CHMP3: variants seen among roughly 807,000 people sequenced by gnomAD.
CHMP3 encodes 25.1 protein.
A neutral mutation model predicts 27.4 loss-of-function variants in CHMP3; 8 were observed. The observed-to-expected ratio is 0.29, with a 90% CI of 0.17 to 0.53. CHMP3 has a LOEUF of 0.53. Among genes scored for constraint, CHMP3 ranks in the 20% least tolerant of loss-of-function variants. The probability of loss-of-function intolerance (pLI) is 0.96; values close to 1 mark genes in which losing one functional copy is unlikely to be tolerated. For synonymous variants in CHMP3, 86 were observed against 85.5 expected (o/e 1.01, Z -0.03); for missense variants, 208 against 271.5 (o/e 0.77, Z 1.64).
In CHMP3 at chr2:86,554,255, TA is replaced by T. The variant is rs1350196453; in HGVS notation, c.45+9048del. On this transcript the variant is annotated intron_variant, in intron 1 of 5. Transcript: ENST00000263856. ...TGTTTATAAATTACTCAGCTGGTAGTATTTTGTGATAGCAACTCAAATGTAC... is the reference window on the plus strand; with the variant it reads ...TGTTTATAAATTACTCAGCTGGTAGTTTTTGTGATAGCAACTCAAATGTAC... 2.6e-5 allele frequency among the ~76,000 whole-genome samples: 4 copies of T among 152,358 alleles called. No individual in the cohort carries two copies. In the East Asian group the frequency reaches 7.7e-4, roughly 29 times the overall value.
At chr2:86,548,713 T>C (rs1400059734) in intron 1 of CHMP3, among the ~76,000 whole-genome samples, 2 of 152,204 alleles carry the variant, frequency 1.3e-5, no homozygotes, top group African/African-American at 2.4e-5. Flanking sequence ...TTCGGAGCTA[T>C]TGGGTACACT....
intron 2 of CHMP3, chr2:86,541,081 T>C (rs1320792319): frequency 6.6e-6 from 1 of 152,152 alleles, no homozygotes; most frequent in Non-Finnish European, 1.5e-5. Flanking sequence ...TTGGTTGGTA[T>C]GGGCTTGTGG....
At chr2:86,527,251 A>C (rs1277383245) in intron 3 of CHMP3, 1 of 152,090 alleles carries the variant, frequency 6.6e-6, no homozygotes, top group Non-Finnish European at 1.5e-5. Context: ...TCTACCAAAA[A>C]AAAAAAAGAT....
intron 1 of CHMP3, among the ~76,000 whole-genome samples, chr2:86,545,627 C>T (rs1372742906): frequency 2.8e-5 from 4 of 144,960 alleles, no homozygotes; most frequent in South Asian, 2.2e-4. Context: ...ATGGGGTGGC[C>T]GGGCAGAGGC....
intron 3 of CHMP3, among the ~76,000 whole-genome samples, chr2:86,516,146 C>CAAAAAAAAAAAAAAAAAA (rs35800757): frequency 1.2e-5 from 1 of 83,672 alleles, no homozygotes. Context: ...GACTCCATCT[C>CAAAAAAAAAAAAAAAAAA]AAAAAAAAAA....
intron 1 of CHMP3, among the ~76,000 whole-genome samples, chr2:86,553,309 G>A (rs1332127187): frequency 6.6e-6 from 1 of 151,910 alleles, no homozygotes; most frequent in African/African-American, 2.4e-5. Context: ...TTCTTACAAT[G>A]CTATAAGTAG....
chr2:86,547,436 C>A (rs1558658881), intron 1 of CHMP3, among the ~76,000 whole-genome samples: 1 of 151,910 alleles, frequency 6.6e-6, no homozygotes, highest in Admixed American at 6.5e-5. Flanking sequence ...AGGGGCTTTG[C>A]AAAAAAGAAA....
At chr2:86,558,479 AT>A (rs1449609661) in intron 1 of CHMP3, among the ~76,000 whole-genome samples, 1 of 152,198 alleles carries the variant, frequency 6.6e-6, no homozygotes, top group African/African-American at 2.4e-5. Context: ...CTCACTCATC[AT>A]TTAACAAATA....
chr2:86,514,437 G>A lies in CHMP3; in HGVS notation c.287-3958C>T, dbSNP rs112483656. On this transcript the variant is annotated intron_variant, in intron 3 of 5. Transcript: ENST00000263856. The stretch of plus-strand genomic sequence containing the variant: ...CCAGATAGCATTCTAATGAGCTCAC[G>A]TGCTATTTAAAGTATAAAACTATCC... 3.5e-3 allele frequency among the ~76,000 whole-genome samples: 530 copies of A among 152,202 alleles called. 6 individuals carry two copies. The highest frequency in any genetic ancestry group is 0.012 in the African/African-American group (510 of 41,516).
rs1015310571 is a variant in CHMP3, at chr2:86,504,896, A to G, written c.*908T>C. On this transcript the variant is annotated 3_prime_UTR_variant, in exon 6 of 6. Transcript: ENST00000263856. ...AAAGAGCTCTGTAAACTCTCAACAC[A>G]TACAAAGTACTACTGCTGAAATGAT... 1.3e-5 allele frequency: 2 copies of G among 152,188 alleles called. No homozygotes were observed. Among genetic ancestry groups the G allele is most frequent in the African/African-American group, 4.8e-5 (2 of 41,430 alleles). 9.4% of individuals were successfully genotyped at this position (152,188 alleles called of 1,614,324 possible).
chr2:86,507,214 A>G, intron 5 of CHMP3: 1 of 324,240 alleles, frequency 3.1e-6, no homozygotes, highest in Non-Finnish European at 5.8e-6. Context: ...AAGAAAGTCT[A>G]CACCAGTTTA....
intron 1 of CHMP3, among the ~76,000 whole-genome samples, chr2:86,550,933 C>A (rs1335305882): frequency 6.6e-6 from 1 of 152,162 alleles, no homozygotes; most frequent in African/African-American, 2.4e-5. Flanking sequence ...AAATCAAGTA[C>A]TTCAGCATCC....
chr2:86,527,275 T>C (rs1026490691), intron 3 of CHMP3: 1 of 151,952 alleles, frequency 6.6e-6, no homozygotes, highest in Non-Finnish European at 1.5e-5. Context: ...TTTTATTAGT[T>C]CTGTATAATA....
At chr2:86,518,296 T>C (rs1247148099) in intron 3 of CHMP3, among the ~76,000 whole-genome samples, 1 of 151,750 alleles carries the variant, frequency 6.6e-6, no homozygotes, top group Non-Finnish European at 1.5e-5. Flanking sequence ...CTCTAACACA[T>C]AATAATAATG....
chr2:86,506,053 G>A (rs996866039), intron 5 of CHMP3, 104 bp from the exon 6 acceptor site: 9 of 1,328,794 alleles, frequency 6.8e-6, no homozygotes, highest in Non-Finnish European at 8.8e-6. Flanking sequence ...ATACAAAAAT[G>A]AGACAGTACA....
At chr2:86,546,365 A>T (rs1243558589) in intron 1 of CHMP3, among the ~76,000 whole-genome samples, 1 of 2,254 alleles carries the variant, frequency 4.4e-4, no homozygotes, top group South Asian at 0.013. Flanking sequence ...ACCCGAAGGG[A>T]GGGGAAGGGG....
chr2:86,505,616 T>C lies in CHMP3; in HGVS notation c.*188A>G. On this transcript the variant is annotated 3_prime_UTR_variant, in exon 6 of 6. Transcript: ENST00000263856. ...TATCTGTCTATACTCCTAAAAATGA[T>C]GCATTTATTTATGCCACTTTTATAA... 2.9e-6 allele frequency: 2 copies of C among 679,722 alleles called. No homozygotes were observed. Among genetic ancestry groups the C allele is most frequent in the Non-Finnish European group, 4.4e-6 (2 of 459,668 alleles). 42.1% of individuals were successfully genotyped at this position (679,722 alleles called of 1,614,324 possible). A position where few individuals can be genotyped will look rare whatever the true frequency, so the allele number is the denominator to read the frequency against.
intron 1 of CHMP3, chr2:86,561,906 T>A (rs930234108): frequency 1.3e-5 from 2 of 152,236 alleles, no homozygotes; most frequent in Non-Finnish European, 2.9e-5. Flanking sequence ...AATTTACGAA[T>A]GGCAATGCCA....
chr2:86,542,080 T>A (rs1407306374), intron 2 of CHMP3, among the ~76,000 whole-genome samples, 172 bp downstream of exon 2: 1 of 151,828 alleles, frequency 6.6e-6, no homozygotes, highest in Non-Finnish European at 1.5e-5. Context: ...TAACTCATTA[T>A]CTTTTTTTAA....
Sources: gnomAD v4.1 joint callset for allele counts (sites outside exome capture counted in the v4.1 genomes callset) on GRCh38, gnomAD v4.1.1 for gene constraint, MANE v1.5 for transcripts, NCBI Gene and HGNC (gene_info 2026-07-23, HGNC 2026-07-21) for gene names.